Variants in NEDD4 observed in about 807,000 individuals in gnomAD.
NEDD4 encodes E3 ubiquitin-protein ligase NEDD4.
NEDD4 carries 99 observed loss-of-function variants against 144.9 expected under a neutral mutation model. The observed-to-expected ratio is 0.68, with a 90% confidence interval of 0.58 to 0.81. The LOEUF (loss-of-function observed/expected upper bound fraction) is 0.81. NEDD4 is among the 30% of genes least tolerant of loss of function. NEDD4 has a pLI of 0.00. For synonymous variants in NEDD4, 318 were observed against 350.6 expected, an observed-to-expected ratio of 0.91 and a Z score of 1.04; for missense variants, 985 against 1,065.9, an observed-to-expected ratio of 0.92 and a Z score of 1.06.
chr15:55,862,685 A>G (rs1168396843), intron 9 of NEDD4, among the ~76,000 whole-genome samples: 3 of 152,190 alleles, frequency 2.0e-5, no homozygotes, highest in Non-Finnish European at 4.4e-5. Context: ...TTAAGACGCA[A>G]TTAAAAGGGT....
chr15:55,827,144 A>C lies in NEDD4; in HGVS notation c.*2753T>G, dbSNP rs1277819847. The C allele has an allele frequency of 6.6e-6, 1 of 152,202 alleles. No homozygotes were observed. The highest frequency in any genetic ancestry group is 2.4e-5 in the African/African-American group (1 of 41,442). 9.4% of individuals were successfully genotyped at this position (152,202 alleles called of 1,614,324 possible). A position where few individuals can be genotyped will look rare whatever the true frequency, so the allele number is the denominator to read the frequency against. On this transcript the variant is annotated 3_prime_UTR_variant, in exon 29 of 29. Transcript: ENST00000435532. ...TTCAGCATTATAAATAAAAACCCAA[A>C]ACAAACACCATTTAAATTTGAGTTC... is the stretch of plus-strand genomic sequence containing the variant.
intron 4 of NEDD4, among the ~76,000 whole-genome samples, chr15:55,933,332 G>C (rs944094307): frequency 6.6e-6 from 1 of 152,054 alleles, no homozygotes; most frequent in African/African-American, 2.4e-5. Context: ...GATATACACT[G>C]TGGAATACTA....
chr15:55,894,179 A>G (rs1444806811), intron 5 of NEDD4, among the ~76,000 whole-genome samples: 2 of 152,186 alleles, frequency 1.3e-5, no homozygotes, highest in Non-Finnish European at 2.9e-5. Flanking sequence ...CATAAACTGT[A>G]TAGTCAGCTC....
intron 5 of NEDD4, among the ~76,000 whole-genome samples, chr15:55,915,011 G>T (rs928828415): frequency 6.6e-6 from 1 of 152,030 alleles, no homozygotes; most frequent in Non-Finnish European, 1.5e-5. Flanking sequence ...GTTGTAGAAA[G>T]TTTTTTATGT....
chr15:55,852,536 G>A lies in NEDD4; in HGVS notation c.1034C>T (p.Pro345Leu), dbSNP rs1469031900. ...ACCTGGTGGTAATCCAGATGAAGTAGGCAAAAGCTAAAGTGAAGAATAACA... is the reference window on the plus strand; with the variant it reads ...ACCTGGTGGTAATCCAGATGAAGTAAGCAAAAGCTAAAGTGAAGAATAACA... ...EEQPTLPVLL[P>L]TSSGLPPGWE... is the part of the protein sequence containing the mutation. The change falls in exon 13 of 29, where the codon CCT (proline) becomes CTT (leucine). Residue 345 changes from proline to leucine, a missense_variant. Physicochemically the swap from Pro to Leu is moderately conservative, Grantham distance 98. Coordinates refer to ENST00000435532, the MANE Select transcript of NEDD4 (RefSeq NM_006154.4). 3 of 1,612,554 alleles carry A rather than the reference G, an allele frequency of 1.9e-6. No homozygotes were observed. The highest frequency in any genetic ancestry group is 2.5e-6 in the Non-Finnish European group (3 of 1,179,340).
intron 1 of NEDD4, among the ~76,000 whole-genome samples, chr15:55,986,652 T>C (rs1428637522): frequency 7.1e-6 from 1 of 141,050 alleles, no homozygotes; most frequent in Non-Finnish European, 1.5e-5. Flanking sequence ...TGCAGTGGCA[T>C]GATCTTGACT....
rs1009993090 is a variant in NEDD4, at chr15:55,876,516, A to G, written c.292-2508T>C. Among the ~76,000 whole-genome samples the G allele has an allele frequency of 2.0e-5, 3 of 152,214 alleles. No individual in the cohort carries two copies. The East Asian group carries it at 5.8e-4, about 29-fold the overall frequency. ...GAATAATCAAATCTATATTGTTGCA[A>G]GACTTATATTTTATATAAAGTGGTA... is the stretch of plus-strand genomic sequence containing the variant. On this transcript the variant is annotated intron_variant, in intron 5 of 28. Coordinates refer to ENST00000435532, the MANE Select transcript of NEDD4 (RefSeq NM_006154.4).
At chr15:55,905,267 T>G (rs754599908) in intron 5 of NEDD4, 24 of 455,900 alleles carry the variant, frequency 5.3e-5, no homozygotes, top group South Asian at 3.3e-4. Context: ...ACTCCTGATT[T>G]GTCACTAACC....
chr15:55,871,094 T>G (rs1912405), intron 7 of NEDD4, among the ~76,000 whole-genome samples: 109,497 of 151,996 alleles, frequency 0.72, 39,975 homozygotes, highest in Non-Finnish European at 0.8. Flanking sequence ...TTGGCAAATT[T>G]AGTGTATCCT....
intron 1 of NEDD4, among the ~76,000 whole-genome samples, chr15:55,974,000 T>A (rs1438103608): frequency 6.6e-6 from 1 of 152,006 alleles, no homozygotes; most frequent in East Asian, 1.9e-4. Context: ...TGTTGGTGTT[T>A]TGAAAAGATA....
intron 1 of NEDD4, among the ~76,000 whole-genome samples, chr15:55,969,121 T>C (rs2037566261): frequency 6.6e-6 from 1 of 152,098 alleles, no homozygotes; most frequent in African/African-American, 2.4e-5. Context: ...AATCTATGCC[T>C]TTGCGGGACG....
At chr15:55,832,196 A>G (rs1408788151) in intron 27 of NEDD4, among the ~76,000 whole-genome samples, 1 of 152,100 alleles carries the variant, frequency 6.6e-6, no homozygotes, top group Non-Finnish European at 1.5e-5. Context: ...AAAAAAAAAA[A>G]AAAGATTTCA....
chr15:55,990,692 G>T (rs1468490279), intron 1 of NEDD4, among the ~76,000 whole-genome samples: 2 of 152,154 alleles, frequency 1.3e-5, no homozygotes, highest in South Asian at 4.1e-4. Context: ...AATGGAGTGT[G>T]GGAAACAGTG....
rs113491565 is a variant in NEDD4, at chr15:55,943,251, T to C, written c.237+8125A>G. 9.2e-3 allele frequency among the ~76,000 whole-genome samples: 1,406 copies of C among 152,196 alleles called. 12 individuals carry two copies. Among genetic ancestry groups the C allele is most frequent in the African/African-American group, 0.03 (1,237 of 41,516 alleles). On this transcript the variant is annotated intron_variant, in intron 4 of 28. Transcript: ENST00000435532. ...CATGTGGTAGAAAAGAAAGCCCCATTTTGTGGGGAGGAATTCAAGCCAGCT... is the reference window on the plus strand; with the variant it reads ...CATGTGGTAGAAAAGAAAGCCCCATCTTGTGGGGAGGAATTCAAGCCAGCT...
At chr15:55,872,896 CT>C (rs1273770410) in intron 6 of NEDD4, among the ~76,000 whole-genome samples, 2 of 149,854 alleles carry the variant, frequency 1.3e-5, no homozygotes, top group East Asian at 3.9e-4. Flanking sequence ...TTACTGAAAG[CT>C]TATGGTCCTG....
At chr15:55,898,212 C>A (rs1168911505) in intron 5 of NEDD4, among the ~76,000 whole-genome samples, 1 of 152,210 alleles carries the variant, frequency 6.6e-6, no homozygotes, top group African/African-American at 2.4e-5. Context: ...GGCCTACCAA[C>A]ACACTGCACA....
chr15:55,903,840 AC>A (rs1413889017), intron 5 of NEDD4, among the ~76,000 whole-genome samples: 882 of 29,228 alleles, frequency 0.03, 8 homozygotes, highest in African/African-American at 0.065. Flanking sequence ...AAAAAAAAAA[AC>A]ACACATATAT....
intron 4 of NEDD4, among the ~76,000 whole-genome samples, chr15:55,927,672 A>C (rs2036701010): frequency 6.6e-6 from 1 of 152,174 alleles, no homozygotes; most frequent in Non-Finnish European, 1.5e-5. Flanking sequence ...GGGGGATCAA[A>C]GCAGTTTTAA....
intron 5 of NEDD4, among the ~76,000 whole-genome samples, chr15:55,899,630 C>A (rs901461345): frequency 6.6e-6 from 1 of 152,216 alleles, no homozygotes; most frequent in South Asian, 2.1e-4. Context: ...CCTAGTACAG[C>A]AGCTTTAGGC....
Sources: gnomAD v4.1 joint callset for allele counts (sites outside exome capture counted in the v4.1 genomes callset) on GRCh38, gnomAD v4.1.1 for gene constraint, MANE v1.5 for transcripts, NCBI Gene and HGNC (gene_info 2026-07-23, HGNC 2026-07-21) for gene names.